Variants in TAS2R1 observed in about 807,000 individuals in gnomAD.
TAS2R1 encodes the protein taste 2 receptor member 1, also known as taste receptor type 2 member 1.
For missense variants in TAS2R1, 370 were observed against 353.4 expected (o/e 1.05, Z -0.38); for synonymous variants, 141 against 134.2 (o/e 1.05, Z -0.35).
chr5:9,881,189 G>A, the TAS2R1 span, among the ~76,000 whole-genome samples: 1 of 151,976 alleles, frequency 6.6e-6, no homozygotes, highest in Non-Finnish European at 1.5e-5. Flanking sequence ...AAAGTCACAA[G>A]CATTCCTATA....
chr5:9,690,433 T>A (rs1561379963), intron 1 of TAS2R1, among the ~76,000 whole-genome samples: 1 of 152,144 alleles, frequency 6.6e-6, no homozygotes, highest in Non-Finnish European at 1.5e-5. Flanking sequence ...CAGGTCATGG[T>A]CCCTGGATAT....
intron 1 of TAS2R1, among the ~76,000 whole-genome samples, chr5:9,674,488 C>T (rs796212776): frequency 1.2e-4 from 19 of 152,188 alleles, no homozygotes; most frequent in African/African-American, 4.6e-4. Flanking sequence ...TAAGTGTAAT[C>T]TCTACCACAC....
the TAS2R1 span, among the ~76,000 whole-genome samples, chr5:9,742,619 G>C: frequency 6.6e-6 from 1 of 152,126 alleles, no homozygotes; most frequent in Non-Finnish European, 1.5e-5. Flanking sequence ...AAGGTTTAGT[G>C]CTGATTTTCT....
the TAS2R1 span, among the ~76,000 whole-genome samples, chr5:9,856,529 A>C: frequency 1.4e-3 from 213 of 152,308 alleles, no homozygotes; most frequent in African/African-American, 4.9e-3. Flanking sequence ...TTCCTACCAA[A>C]TTATAGACAT....
the TAS2R1 span, among the ~76,000 whole-genome samples, chr5:9,748,546 T>C: frequency 7.9e-5 from 12 of 152,092 alleles, no homozygotes; most frequent in African/African-American, 2.4e-5. Context: ...CTCAGGCGCT[T>C]TCACTCATGG....
the TAS2R1 span, among the ~76,000 whole-genome samples, chr5:9,720,547 G>C: frequency 1.3e-5 from 2 of 152,238 alleles, no homozygotes; most frequent in Non-Finnish European, 2.9e-5. Context: ...GGGAAGCGAA[G>C]TCTGCTCCAT....
the TAS2R1 span, among the ~76,000 whole-genome samples, chr5:9,758,157 A>G: frequency 6.6e-6 from 1 of 152,184 alleles, no homozygotes; most frequent in Admixed American, 6.5e-5. Context: ...CTTTAAAGAA[A>G]CTCTAAGAAT....
the TAS2R1 span, among the ~76,000 whole-genome samples, chr5:9,749,237 C>T: frequency 2.0e-5 from 3 of 152,180 alleles, no homozygotes; most frequent in South Asian, 2.1e-4. Context: ...ATCAGTAAGA[C>T]ACAAGCTACC....
the TAS2R1 span, among the ~76,000 whole-genome samples, chr5:9,773,454 C>T: frequency 0.33 from 49,835 of 151,926 alleles, 9,374 homozygotes; most frequent in Admixed American, 0.43. Flanking sequence ...GTAGTTTACA[C>T]ACCACAATTA....
chr5:9,840,404 T>C, the TAS2R1 span, among the ~76,000 whole-genome samples: 9,059 of 152,252 alleles, frequency 0.059, 636 homozygotes, highest in East Asian at 0.23. Context: ...ATCTTTCTCC[T>C]CTACCATCCA....
the TAS2R1 span, among the ~76,000 whole-genome samples, chr5:9,742,008 G>C: frequency 0.019 from 2,860 of 152,124 alleles, 73 homozygotes; most frequent in African/African-American, 0.061. Flanking sequence ...AGATTCTCCT[G>C]CCTCAGCCTC....
chr5:9,668,501 C>T (rs1012260293), intron 1 of TAS2R1, among the ~76,000 whole-genome samples: 3 of 152,088 alleles, frequency 2.0e-5, no homozygotes, highest in African/African-American at 7.2e-5. Flanking sequence ...ATGTTAAAGA[C>T]AGCCAGAGAG....
the TAS2R1 span, among the ~76,000 whole-genome samples, chr5:9,748,329 A>G: frequency 2.0e-5 from 3 of 152,172 alleles, no homozygotes; most frequent in Non-Finnish European, 4.4e-5. Flanking sequence ...AATTTATAAG[A>G]CCATAATCTA....
rs145800472 is a variant in TAS2R1, at chr5:9,708,541, C to T, written c.-242+3631G>A. Among the ~76,000 whole-genome samples, 23 of 152,254 alleles carry T rather than the reference C, an allele frequency of 1.5e-4. No individual in the cohort carries two copies. In the East Asian group the frequency reaches 1.9e-3, roughly 13 times the overall value. On this transcript the variant is annotated intron_variant, in intron 1 of 2. Coordinates refer to the TAS2R1 transcript ENST00000506620. ...ATACATTGATTAAAAGCTCCACCAG[C>T]GTCTGTCACATACTATTTATATGGA... is the stretch of plus-strand genomic sequence containing the variant.
the TAS2R1 span, among the ~76,000 whole-genome samples, chr5:9,864,234 C>T: frequency 6.6e-6 from 1 of 152,100 alleles, no homozygotes; most frequent in Non-Finnish European, 1.5e-5. Context: ...TCTACCTATG[C>T]GTAAGAGGTG....
chr5:9,862,020 G>A, the TAS2R1 span, among the ~76,000 whole-genome samples: 1 of 152,156 alleles, frequency 6.6e-6, no homozygotes, highest in Non-Finnish European at 1.5e-5. Context: ...ATCAAACCGA[G>A]AACTGCTGCC....
At chr5:9,774,043 A>C in the TAS2R1 span, among the ~76,000 whole-genome samples, 1 of 152,124 alleles carries the variant, frequency 6.6e-6, no homozygotes, top group South Asian at 2.1e-4. Context: ...CTTTAAGACC[A>C]CTAACTCCTA....
intron 1 of TAS2R1, among the ~76,000 whole-genome samples, chr5:9,707,896 A>C (rs1468741535): frequency 6.6e-6 from 1 of 152,100 alleles, no homozygotes; most frequent in Non-Finnish European, 1.5e-5. Context: ...CACTTTGCTC[A>C]CAGCCTCTCC....
chr5:9,829,803 G>T, the TAS2R1 span, among the ~76,000 whole-genome samples: 1 of 151,920 alleles, frequency 6.6e-6, no homozygotes, highest in African/African-American at 2.4e-5. Context: ...AGGTAAAGTT[G>T]AAGGGTAAGC....
Sources: gnomAD v4.1 joint callset for allele counts (sites outside exome capture counted in the v4.1 genomes callset) on GRCh38, gnomAD v4.1.1 for gene constraint, MANE v1.5 for transcripts, NCBI Gene and HGNC (gene_info 2026-07-23, HGNC 2026-07-21) for gene names.